HIVEP2: variants seen among roughly 807,000 people sequenced by gnomAD.
The protein encoded by HIVEP2 is HIVEP zinc finger 2, also known as transcription factor HIVEP2.
In HIVEP2, 14 loss-of-function variants were observed where a neutral mutation model predicts 180.7. That is an observed-to-expected ratio of 0.08 (90% confidence interval 0.05 to 0.12). HIVEP2 has a LOEUF of 0.12. Among genes scored for constraint, HIVEP2 ranks in the 10% least tolerant of loss-of-function variants. HIVEP2 has a pLI of 1.00. For synonymous variants in HIVEP2, 1,184 were observed against 1,136.4 expected (o/e 1.04, Z -0.84); for missense variants, 2,579 against 3,008.5 (o/e 0.86, Z 3.34).
At chr6:142,837,395 T>C (rs1373066285) in intron 1 of HIVEP2, among the ~76,000 whole-genome samples, 1 of 152,132 alleles carries the variant, frequency 6.6e-6, no homozygotes, top group Non-Finnish European at 1.5e-5. Flanking sequence ...TTTGGAATTA[T>C]ACTCATTGAT....
rs569305809 is a variant in HIVEP2, at chr6:142,891,294, A to T, written c.-641+53805T>A. Reference sequence around the variant, plus strand: ...CTCAAGGAATTTCCTACTGTTTCTCATTTCCAAAGGAGAACCCAGATTGTG... The same window carrying T: ...CTCAAGGAATTTCCTACTGTTTCTCTTTTCCAAAGGAGAACCCAGATTGTG... On this transcript the variant is annotated intron_variant, in intron 1 of 9. Transcript: ENST00000367603. Among the ~76,000 whole-genome samples the T allele has an allele frequency of 7.2e-5, 11 of 152,132 alleles. No homozygotes were observed. The East Asian group carries it at 2.1e-3, about 29-fold the overall frequency.
intron 2 of HIVEP2, among the ~76,000 whole-genome samples, chr6:142,793,156 GT>G (rs1388455892): frequency 6.6e-6 from 1 of 151,942 alleles, no homozygotes; most frequent in Non-Finnish European, 1.5e-5. Flanking sequence ...ATATCCAAAA[GT>G]TTATCTTTTA....
chr6:142,770,541 C>T lies in HIVEP2; in HGVS notation c.4198G>A (p.Gly1400Ser), dbSNP rs1775502470. The change falls in exon 5 of 10, where the codon GGC becomes AGC. Residue 1400 changes from glycine (G) to serine (S), a missense_variant. Around this residue, in one of 11 missense-constraint regions of HIVEP2, gnomAD observed 523 missense variants for 577.0 expected, o/e 0.91. Coordinates refer to ENST00000367603, the MANE Select transcript of HIVEP2 (RefSeq NM_006734.4). This position sits in a 1 kb window ranked among gnomAD's most constrained non-coding sequence, Gnocchi z 4.7. ...TTCCAAATGGGGTACTTCTCCAAGC[C>T]CGCATGCTGCCCCAGCACCTGGGCA... is the stretch of plus-strand genomic sequence containing the variant. ...NIAQVLGQHA[G>S]LEKYPIWKAP... 6.2e-7 allele frequency: 1 copy of T among 1,614,098 alleles called. No homozygotes were observed. Among genetic ancestry groups the T allele is most frequent in the South Asian group, 1.1e-5 (1 of 91,088 alleles).
chr6:142,881,306 C>T (rs763518744), intron 1 of HIVEP2, among the ~76,000 whole-genome samples: 34 of 152,128 alleles, frequency 2.2e-4, no homozygotes, highest in Non-Finnish European at 4.7e-4. Flanking sequence ...GTTTAAATAT[C>T]TATAAATCAT....
At chr6:142,892,182 G>A (rs1360982038) in intron 1 of HIVEP2, among the ~76,000 whole-genome samples, 1 of 152,164 alleles carries the variant, frequency 6.6e-6, no homozygotes, top group African/African-American at 2.4e-5. Flanking sequence ...CAAAACCCAA[G>A]GGTGATAGGA....
At chr6:142,756,056 A>G (rs1195031798) in intron 9 of HIVEP2, among the ~76,000 whole-genome samples, 3 of 152,264 alleles carry the variant, frequency 2.0e-5, no homozygotes, top group Admixed American at 2.0e-4. Flanking sequence ...GTGGAAAAAC[A>G]AATAGTGAAT....
chr6:142,843,832 A>G (rs1333087196), intron 1 of HIVEP2, among the ~76,000 whole-genome samples: 1 of 152,238 alleles, frequency 6.6e-6, no homozygotes, highest in East Asian at 1.9e-4. Context: ...GCCTGGGAGC[A>G]CAAAATTACC....
intron 1 of HIVEP2, among the ~76,000 whole-genome samples, chr6:142,867,466 G>A (rs1009418976): frequency 2.3e-4 from 35 of 152,252 alleles, no homozygotes; most frequent in Admixed American, 1.6e-3. Context: ...AGTTGTTATC[G>A]TTACAGATTG....
At chr6:142,895,106 T>C (rs1255645822) in intron 1 of HIVEP2, among the ~76,000 whole-genome samples, 1 of 152,186 alleles carries the variant, frequency 6.6e-6, no homozygotes, top group African/African-American at 2.4e-5. Flanking sequence ...AAAATAAAAC[T>C]TAGAGCTACA....
At chr6:142,914,792 T>C (rs1044948960) in intron 1 of HIVEP2, among the ~76,000 whole-genome samples, 1 of 152,236 alleles carries the variant, frequency 6.6e-6, no homozygotes, top group African/African-American at 2.4e-5. Flanking sequence ...GGTTCTTTTA[T>C]GCTAAGTGAC....
chr6:142,912,559 G>A (rs1475130998), intron 1 of HIVEP2, among the ~76,000 whole-genome samples: 2 of 152,208 alleles, frequency 1.3e-5, no homozygotes, highest in East Asian at 1.9e-4. Context: ...ATGGTCCATG[G>A]CCTTTTAGGA....
intron 1 of HIVEP2, among the ~76,000 whole-genome samples, chr6:142,890,088 G>A (rs1227622727): frequency 1.3e-5 from 2 of 152,094 alleles, no homozygotes; most frequent in Non-Finnish European, 2.9e-5. Context: ...GTTAATTAGG[G>A]TCTATCTATG....
chr6:142,944,419 C>CCACACACCCACA (rs1271604362), intron 1 of HIVEP2, among the ~76,000 whole-genome samples: 5 of 148,556 alleles, frequency 3.4e-5, no homozygotes, highest in Non-Finnish European at 5.9e-5. Context: ...ACCCCCTCCC[C>CCACACACCCACA]CACACACCCA....
chr6:142,759,134 T>C (rs1775154019), intron 9 of HIVEP2, among the ~76,000 whole-genome samples: 1 of 151,928 alleles, frequency 6.6e-6, no homozygotes, highest in African/African-American at 2.4e-5. Flanking sequence ...AAACCCTGCC[T>C]CTACCAATAA....
chr6:142,796,272 G>A (rs1250422425), intron 2 of HIVEP2, among the ~76,000 whole-genome samples: 1 of 151,986 alleles, frequency 6.6e-6, no homozygotes, highest in Admixed American at 6.6e-5. Context: ...AATGCCGCAG[G>A]GGTTAGGATG....
At chr6:142,874,213 C>A (rs910093834) in intron 1 of HIVEP2, among the ~76,000 whole-genome samples, 5 of 152,090 alleles carry the variant, frequency 3.3e-5, no homozygotes, top group African/African-American at 7.2e-5. Context: ...CCTTTTTCAA[C>A]TACTCATGAA....
At chr6:142,944,029 A>G (rs1778241507) in intron 1 of HIVEP2, among the ~76,000 whole-genome samples, 1 of 152,188 alleles carries the variant, frequency 6.6e-6, no homozygotes, top group Non-Finnish European at 1.5e-5. Flanking sequence ...GTAGCTAGTT[A>G]CAAGCTTTCC....
intron 1 of HIVEP2, among the ~76,000 whole-genome samples, chr6:142,878,684 T>C (rs1388538546): frequency 1.3e-5 from 2 of 152,100 alleles, no homozygotes; most frequent in Admixed American, 6.6e-5. Flanking sequence ...CTTTTCCCAA[T>C]CTAAGGGAAA....
chr6:142,767,188 T>A (rs1366854715), intron 6 of HIVEP2, among the ~76,000 whole-genome samples: 1 of 152,218 alleles, frequency 6.6e-6, no homozygotes, highest in Non-Finnish European at 1.5e-5. Context: ...TACACTGCTA[T>A]GAAGGCTGCT....
Sources: allele counts gnomAD v4.1 joint callset (sites outside exome capture counted in the v4.1 genomes callset), GRCh38; gene constraint gnomAD v4.1.1; regional missense constraint gnomAD v4.1.1; non-coding constraint Gnocchi (gnomAD v3.1); transcripts MANE v1.5; gene names NCBI Gene and HGNC (gene_info 2026-07-23, HGNC 2026-07-21).